The following HIPK2 variants were observed in gnomAD, a reference collection of about 807,000 sequenced individuals.
The protein encoded by HIPK2 is homeodomain interacting protein kinase 2, also known as homeodomain-interacting protein kinase 2.
HIPK2 carries 27 observed loss-of-function variants against 113.7 expected under a neutral mutation model. That is an observed-to-expected ratio of 0.24 (90% CI 0.17 to 0.33). HIPK2 has a LOEUF of 0.33. Ranked by LOEUF, HIPK2 falls within the 10% of genes least tolerant of loss-of-function variation. The pLI, the probability that HIPK2 is intolerant of heterozygous loss-of-function variation, is 1.00. For synonymous variants in HIPK2, 631 were observed against 642.2 expected (o/e 0.98, Z 0.26); for missense variants, 1,257 against 1,588.0 (o/e 0.79, Z 3.54).
Position 139,757,217 on chromosome 7 carries a change from A to C in HIPK2, c.19+20388T>G, listed in dbSNP as rs142197452. ...ACCAGCACAAACCACATATCAGTCA[A>C]AACTGCTTTTACCAGGCTTTCCCGG... On this transcript the variant is annotated intron_variant, in intron 1 of 14. Transcript: ENST00000406875. Among the ~76,000 whole-genome samples the C allele has an allele frequency of 2.3e-4, 35 of 152,340 alleles. No individual in the cohort carries two copies. The East Asian group carries it at 6.5e-3, about 29-fold the overall frequency.
At chr7:139,710,921 C>T (rs767635222) in intron 2 of HIPK2, among the ~76,000 whole-genome samples, 1 of 152,158 alleles carries the variant, frequency 6.6e-6, no homozygotes. Flanking sequence ...TTCCCCTTCA[C>T]CTTCCTCCAT....
chr7:139,641,872 G>A (rs565876917), intron 2 of HIPK2, among the ~76,000 whole-genome samples: 27 of 152,334 alleles, frequency 1.8e-4, no homozygotes, highest in African/African-American at 5.8e-4. Context: ...TAATCGGAGC[G>A]CACAGGCGGA....
chr7:139,561,844 A>G lies in HIPK2; in HGVS notation c.*11083T>C, dbSNP rs1797957809. ...ATTTTTTCTGTTAAAATCATCTCATAAATTTACAATGCTATTATTAGTTTC... is the reference window on the plus strand; with the variant it reads ...ATTTTTTCTGTTAAAATCATCTCATGAATTTACAATGCTATTATTAGTTTC... On this transcript the variant is annotated 3_prime_UTR_variant, in exon 15 of 15. Coordinates refer to ENST00000406875, the MANE Select transcript of HIPK2 (RefSeq NM_022740.5). 1 of 152,016 alleles carries G rather than the reference A, an allele frequency of 6.6e-6. No individual in the cohort carries two copies. The highest frequency in any genetic ancestry group is 2.4e-5 in the African/African-American group (1 of 41,392). The allele number at this position is 152,016 out of a possible 1,614,324, so 9.4% of individuals were successfully genotyped here.
At chr7:139,662,290 T>C (rs559124286) in intron 2 of HIPK2, among the ~76,000 whole-genome samples, 78 of 152,342 alleles carry the variant, frequency 5.1e-4, no homozygotes, top group Middle Eastern at 3.4e-3. Context: ...AGTTGAAATT[T>C]AGAATGTACT....
chr7:139,575,417 C>T (rs1050699379), intron 13 of HIPK2, 129 bp from the exon 14 acceptor site: 7 of 1,078,856 alleles, frequency 6.5e-6, no homozygotes, highest in Non-Finnish European at 9.3e-6. Flanking sequence ...AACAAATCAG[C>T]CTCATCTCCC....
intron 2 of HIPK2, among the ~76,000 whole-genome samples, chr7:139,673,100 A>AGT (rs1802361359): frequency 9.8e-6 from 1 of 102,320 alleles, no homozygotes; most frequent in Non-Finnish European, 2.4e-5. Context: ...AGTGGTTAGA[A>AGT]CTTTTTTTTT....
intron 2 of HIPK2, among the ~76,000 whole-genome samples, chr7:139,638,309 G>C (rs1336324867): frequency 1.3e-5 from 2 of 152,108 alleles, no homozygotes; most frequent in African/African-American, 4.8e-5. Flanking sequence ...CATGAGACAT[G>C]TTTCAGATAC....
chr7:139,772,631 A>G (rs1318884411), intron 1 of HIPK2, among the ~76,000 whole-genome samples: 1 of 152,164 alleles, frequency 6.6e-6, no homozygotes, highest in Non-Finnish European at 1.5e-5. Flanking sequence ...TCCATTGCCC[A>G]GGCTGGAGTG....
chr7:139,700,418 G>C (rs1371801102), intron 2 of HIPK2, among the ~76,000 whole-genome samples: 2 of 152,104 alleles, frequency 1.3e-5, no homozygotes, highest in Non-Finnish European at 2.9e-5. Flanking sequence ...CTATGATGAC[G>C]GTCACAAAAA....
rs530637691 is a variant in HIPK2, at chr7:139,597,124, A to G, written c.2436-126T>C. The stretch of plus-strand genomic sequence containing the variant: ...TGTAAAACACGTCAGTGGCTGCCCA[A>G]TGAGCCTCCATCTGTGACTGGGAAA... On this transcript the variant is annotated intron_variant, in intron 11 of 14. Coordinates refer to ENST00000406875, the MANE Select transcript of HIPK2 (RefSeq NM_022740.5). 4.4e-4 allele frequency: 430 copies of G among 969,448 alleles called. 2 individuals are homozygous for G. Among genetic ancestry groups the G allele is most frequent in the Middle Eastern group, 1.3e-3 (4 of 3,006 alleles). The allele number at this position is 969,448 out of a possible 1,614,324, so 60.1% of individuals were successfully genotyped here. A position where few individuals can be genotyped will look rare whatever the true frequency, so the allele number is the denominator to read the frequency against.
chr7:139,582,458 C>G (rs535397881), intron 13 of HIPK2, among the ~76,000 whole-genome samples: 1 of 152,248 alleles, frequency 6.6e-6, no homozygotes, highest in Non-Finnish European at 1.5e-5. Context: ...GGAGCGCTGG[C>G]TCTGATGTCA....
At chr7:139,621,953 AAAAG>A (rs1207731549) in intron 6 of HIPK2, among the ~76,000 whole-genome samples, 2 of 151,598 alleles carry the variant, frequency 1.3e-5, no homozygotes, top group Non-Finnish European at 2.9e-5. Flanking sequence ...AATTAAAAGA[AAAAG>A]AAAAAAAACT....
rs770775967 is a variant in HIPK2, at chr7:139,716,126, T to C, written c.909A>G (p.Pro303=). The C allele has an allele frequency of 3.1e-6, 5 of 1,613,928 alleles. No homozygotes were observed. Among genetic ancestry groups the C allele is most frequent in the Non-Finnish European group, 4.2e-6 (5 of 1,179,936 alleles). ...GGGCTGTGGCTACCTGCTGGAGAACTGGGCGAATGTATTTGAGGGGCAAGG... is the reference window on the plus strand; with the variant it reads ...GGGCTGTGGCTACCTGCTGGAGAACCGGGCGAATGTATTTGAGGGGCAAGG... ...FSPLPLKYIR[P]VLQQVATALM... The change falls in exon 2 of 15, where the codon CCA becomes CCG. Residue 303 remains proline, a synonymous_variant. Transcript: ENST00000406875. The surrounding 1 kb of genome is among the most constrained non-coding windows in gnomAD (Gnocchi z 9.3).
intron 2 of HIPK2, among the ~76,000 whole-genome samples, chr7:139,704,556 T>C (rs994698524): frequency 7.3e-5 from 11 of 149,804 alleles, no homozygotes; most frequent in African/African-American, 2.5e-4. Flanking sequence ...CAGCAACATA[T>C]ACATACCCCA....
intron 1 of HIPK2, among the ~76,000 whole-genome samples, chr7:139,759,851 A>G (rs1308945287): frequency 6.6e-6 from 1 of 152,222 alleles, no homozygotes; most frequent in Non-Finnish European, 1.5e-5. Flanking sequence ...ATAATAAAAA[A>G]GAAAAAAAAC....
chr7:139,765,481 T>C lies in HIPK2; in HGVS notation c.19+12124A>G, dbSNP rs181722985. 3.5e-3 allele frequency among the ~76,000 whole-genome samples: 530 copies of C among 152,284 alleles called. 2 individuals are homozygous for C. The highest frequency in any genetic ancestry group is 0.012 in the African/African-American group (493 of 41,548). Reference sequence around the variant, plus strand: ...AAAGCTTTGTAAAAAAGTGGAACGTTTGTCTTTATCTGCTAAAACGCAAGC... The same window carrying C: ...AAAGCTTTGTAAAAAAGTGGAACGTCTGTCTTTATCTGCTAAAACGCAAGC... On this transcript the variant is annotated intron_variant, in intron 1 of 14. Coordinates refer to ENST00000406875, the MANE Select transcript of HIPK2 (RefSeq NM_022740.5).
At chr7:139,667,584 T>C (rs1057500964) in intron 2 of HIPK2, among the ~76,000 whole-genome samples, 3 of 152,220 alleles carry the variant, frequency 2.0e-5, no homozygotes, top group Non-Finnish European at 2.9e-5. Flanking sequence ...AGGATCCTAA[T>C]GTAGTGACTG....
At chr7:139,691,541 A>T (rs948932499) in intron 2 of HIPK2, among the ~76,000 whole-genome samples, 1 of 152,244 alleles carries the variant, frequency 6.6e-6, no homozygotes, top group Non-Finnish European at 1.5e-5. Context: ...TGCTGCATGG[A>T]GCACAATTTC....
At chr7:139,607,239 C>A (rs1407162539) in intron 9 of HIPK2, among the ~76,000 whole-genome samples, 2 of 151,394 alleles carry the variant, frequency 1.3e-5, no homozygotes, top group Non-Finnish European at 2.9e-5. Flanking sequence ...ATCGGAAGAT[C>A]AATTTAGAAG....
Sources: allele counts gnomAD v4.1 joint callset (sites outside exome capture counted in the v4.1 genomes callset), GRCh38; gene constraint gnomAD v4.1.1; non-coding constraint Gnocchi (gnomAD v3.1); transcripts MANE v1.5; gene names NCBI Gene and HGNC (gene_info 2026-07-23, HGNC 2026-07-21).